The following FEZ1 variants were observed in gnomAD, a reference collection of about 807,000 sequenced individuals.
FEZ1 encodes the protein fasciculation and elongation protein zeta 1.
A neutral mutation model predicts 49.3 loss-of-function variants in FEZ1; 20 were observed. The ratio of observed to expected loss-of-function variants is 0.41; its 90% confidence interval spans 0.29 to 0.59. FEZ1 has a LOEUF of 0.59. FEZ1 is among the 20% of genes least tolerant of loss of function. The probability of loss-of-function intolerance (pLI) is 0.36; values close to 1 mark genes in which losing one functional copy is unlikely to be tolerated. For synonymous variants in FEZ1, 170 were observed against 180.9 expected (o/e 0.94, Z 0.48); for missense variants, 413 against 476.0 (o/e 0.87, Z 1.23).
intron 1 of FEZ1, among the ~76,000 whole-genome samples, chr11:125,491,936 G>C (rs947458403): frequency 2.0e-5 from 3 of 152,086 alleles, no homozygotes; most frequent in Non-Finnish European, 2.9e-5. Context: ...AAGCATCATT[G>C]GTCCTGATTT....
rs1956869982 is a variant in FEZ1 at position 125,443,031 on chromosome 11, C to T, written c.*3064G>A. Among the ~76,000 whole-genome samples, 2 of 152,188 alleles carry T rather than the reference C, an allele frequency of 1.3e-5. No homozygotes were observed. The highest frequency in any genetic ancestry group is 6.5e-5 in the Admixed American group (1 of 15,270). ...GATTACAGGCATGAGCCACCACGCC[C>T]GGCCCTGTGGTGGAGTTTTCTTACC... On this transcript the variant is annotated 3_prime_UTR_variant, in exon 10 of 10. Coordinates refer to ENST00000278919, the MANE Select transcript of FEZ1 (RefSeq NM_005103.5).
intron 8 of FEZ1, 56 bp from the exon 9 acceptor site, chr11:125,448,623 C>A: frequency 8.8e-7 from 1 of 1,141,852 alleles, no homozygotes; most frequent in South Asian, 1.2e-5. Flanking sequence ...AGGTTCACTT[C>A]TAGGGCCACA....
Position 125,463,487 on chromosome 11 carries a change from ATCT to A in FEZ1, c.492_494del (p.Asp165del). The A allele has an allele frequency of 6.3e-7, 1 of 1,578,862 alleles. No individual in the cohort carries two copies. Among genetic ancestry groups the A allele is most frequent in the Non-Finnish European group, 8.7e-7 (1 of 1,147,950 alleles). ...TAACCTGGAGAGATACTTATACCTG[ATCT>A]GCTGTGAGCAGAGGCTCCTCGTTGA... On this transcript the variant is annotated inframe_deletion, in exon 4 of 10. Transcript: ENST00000278919.
intron 3 of FEZ1, among the ~76,000 whole-genome samples, chr11:125,471,579 C>T (rs1957183488): frequency 6.6e-6 from 1 of 151,976 alleles, no homozygotes; most frequent in Non-Finnish European, 1.5e-5. Flanking sequence ...AAAGGGTCAA[C>T]TCATCAGGGA....
chr11:125,455,656 G>C (rs554174974), intron 6 of FEZ1, 179 bp downstream of exon 6: 2 of 695,512 alleles, frequency 2.9e-6, no homozygotes, highest in Non-Finnish European at 5.2e-6. Context: ...GAGCCCTTTG[G>C]GGGAGTGGAG....
chr11:125,488,710 A>G, intron 2 of FEZ1: 8 of 985,040 alleles, frequency 8.1e-6, no homozygotes, highest in Non-Finnish European at 9.6e-6. Flanking sequence ...AAAACAAAAA[A>G]ACACATCCCC....
intron 2 of FEZ1, among the ~76,000 whole-genome samples, chr11:125,482,278 C>T (rs1957288589): frequency 6.6e-6 from 1 of 152,150 alleles, no homozygotes; most frequent in East Asian, 1.9e-4. Context: ...GTTGCAAGAT[C>T]CTGCCCTCTA....
intron 3 of FEZ1, among the ~76,000 whole-genome samples, chr11:125,477,216 T>C (rs1457478716): frequency 6.6e-6 from 1 of 151,946 alleles, no homozygotes; most frequent in Non-Finnish European, 1.5e-5. Flanking sequence ...CAATTCTGGC[T>C]GGGTACAGTG....
At chr11:125,454,687 A>T (rs1346549885) in intron 6 of FEZ1, among the ~76,000 whole-genome samples, 1 of 151,738 alleles carries the variant, frequency 6.6e-6, no homozygotes, top group East Asian at 1.9e-4. Flanking sequence ...TTTGAAAAAA[A>T]CTCCTTAGAT....
At chr11:125,460,379 T>G (rs987362409) in intron 5 of FEZ1, 119 bp downstream of exon 5, 2 of 796,590 alleles carry the variant, frequency 2.5e-6, no homozygotes, top group Non-Finnish European at 3.9e-6. Context: ...CACCTAGATC[T>G]GCAAGGCTCT....
chr11:125,493,932 G>C (rs773088190), intron 1 of FEZ1, among the ~76,000 whole-genome samples: 1 of 152,218 alleles, frequency 6.6e-6, no homozygotes, highest in Non-Finnish European at 1.5e-5. Flanking sequence ...ACTGAGTTTT[G>C]AGTGTTGGCA....
intron 5 of FEZ1, among the ~76,000 whole-genome samples, chr11:125,459,131 G>T (rs185603475): frequency 7.2e-5 from 11 of 152,190 alleles, no homozygotes; most frequent in African/African-American, 2.6e-4. Context: ...CTGAGCAGAG[G>T]GGCCTAACTC....
intron 2 of FEZ1, among the ~76,000 whole-genome samples, chr11:125,485,243 A>G (rs1433583029): frequency 1.3e-5 from 2 of 152,130 alleles, no homozygotes; most frequent in Non-Finnish European, 2.9e-5. Context: ...TGCATATTTT[A>G]TAGCTTGGGC....
Position 125,489,137 on chromosome 11 carries a change from T to C in FEZ1, c.311+330A>G. On this transcript the variant is annotated intron_variant, in intron 2 of 9. Transcript: ENST00000278919. This position sits in a 1 kb window ranked among gnomAD's most constrained non-coding sequence, Gnocchi z 4.2. Reference sequence around the variant, plus strand: ...CATGGTTAATTAATTTTTTCTGGCCTTTATTTCTAATATCTCGCTGGATTT... The same window carrying C: ...CATGGTTAATTAATTTTTTCTGGCCCTTATTTCTAATATCTCGCTGGATTT... 2.0e-6 allele frequency: 2 copies of C among 1,017,834 alleles called. No individual in the cohort carries two copies. The highest frequency in any genetic ancestry group is 2.3e-6 in the Non-Finnish European group (2 of 852,000). The allele number at this position is 1,017,834 out of a possible 1,614,324, so 63.1% of individuals were successfully genotyped here.
In FEZ1 at chr11:125,445,269, C is replaced by A. The variant is rs1268757383; in HGVS notation, c.*826G>T. The stretch of plus-strand genomic sequence containing the variant: ...TGGTGGTTTCGTCAAGTACAGGAAA[C>A]AAGTTGCAGTCCCCTACGTTGGGAA... On this transcript the variant is annotated 3_prime_UTR_variant, in exon 10 of 10. Coordinates refer to ENST00000278919, the MANE Select transcript of FEZ1 (RefSeq NM_005103.5). This position sits in a 1 kb window ranked among gnomAD's most constrained non-coding sequence, Gnocchi z 4.4. 6.6e-6 allele frequency among the ~76,000 whole-genome samples: 1 copy of A among 152,196 alleles called. No homozygotes were observed. The highest frequency in any genetic ancestry group is 1.5e-5 in the Non-Finnish European group (1 of 68,032).
At chr11:125,446,837 C>G (rs2135732827) in intron 9 of FEZ1, among the ~76,000 whole-genome samples, 1 of 148,850 alleles carries the variant, frequency 6.7e-6, no homozygotes, top group African/African-American at 2.4e-5. Context: ...ACCACTACAC[C>G]TGGCTGATTT....
chr11:125,493,496 A>G lies in FEZ1; in HGVS notation c.-46+2625T>C, dbSNP rs1315950751. 1.4e-3 allele frequency among the ~76,000 whole-genome samples: 158 copies of G among 110,644 alleles called. 9 individuals carry two copies. The highest frequency in any genetic ancestry group is 4.4e-3 in the Middle Eastern group (1 of 228). The allele number at this position is 110,644 out of a possible 152,430, so 72.6% of individuals were successfully genotyped here. A position where few individuals can be genotyped will look rare whatever the true frequency, so the allele number is the denominator to read the frequency against. On this transcript the variant is annotated intron_variant, in intron 1 of 9. Coordinates refer to ENST00000278919, the MANE Select transcript of FEZ1 (RefSeq NM_005103.5). ...AAGGAAAGAAGGAAAGAAGGAAAGA[A>G]AGAAAGAAAGAGAGAAAGAAAGAAA... is the stretch of plus-strand genomic sequence containing the variant.
chr11:125,448,410 G>C (rs928435922), intron 9 of FEZ1, 92 bp downstream of exon 9: 2 of 818,772 alleles, frequency 2.4e-6, no homozygotes, highest in African/African-American at 1.7e-5. Context: ...TGCCTGGTCT[G>C]GTCTGGCATG....
intron 8 of FEZ1, among the ~76,000 whole-genome samples, chr11:125,450,732 A>G (rs1394123516): frequency 6.6e-6 from 1 of 152,246 alleles, no homozygotes; most frequent in Non-Finnish European, 1.5e-5. Context: ...CCATAAAAAG[A>G]ACATTAACAA....
Sources: gnomAD v4.1 joint callset for allele counts (sites outside exome capture counted in the v4.1 genomes callset) on GRCh38, gnomAD v4.1.1 for gene constraint, Gnocchi (gnomAD v3.1) non-coding constraint, MANE v1.5 for transcripts, NCBI Gene and HGNC (gene_info 2026-07-23, HGNC 2026-07-21) for gene names.